PCGF5: variants seen among roughly 807,000 people sequenced by gnomAD.
PCGF5 encodes polycomb group ring finger 5.
Under a neutral mutation model 44.3 loss-of-function variants are expected in PCGF5, and 9 were observed. The ratio of observed to expected loss-of-function variants is 0.20; its 90% CI spans 0.12 to 0.35. PCGF5 has a LOEUF of 0.35. Ranked by LOEUF, PCGF5 falls within the 10% of genes least tolerant of loss-of-function variation. The pLI, the probability that PCGF5 is intolerant of heterozygous loss-of-function variation, is 1.00. For synonymous variants in PCGF5, 95 were observed against 102.5 expected (o/e 0.93, Z 0.44); for missense variants, 146 against 305.3 (o/e 0.48, Z 3.89).
At chr10:91,225,549 C>G (rs373755980) in intron 2 of PCGF5, among the ~76,000 whole-genome samples, 2 of 151,552 alleles carry the variant, frequency 1.3e-5, no homozygotes, top group Non-Finnish European at 2.9e-5. Context: ...GGTACTCCAT[C>G]GCATCTCTGA....
chr10:91,229,242 A>G (rs980381898), intron 2 of PCGF5, among the ~76,000 whole-genome samples: 1 of 152,224 alleles, frequency 6.6e-6, no homozygotes, highest in Non-Finnish European at 1.5e-5. Context: ...AATAAATAGA[A>G]CAGGCATAGT....
upstream of PCGF5, among the ~76,000 whole-genome samples, chr10:91,158,954 T>A (rs1000935776): frequency 6.6e-6 from 1 of 152,190 alleles, no homozygotes; most frequent in African/African-American, 2.4e-5. Context: ...CTGCTCCCTT[T>A]CTCCCCTGGA....
Position 91,281,335 on chromosome 10 carries a change from C to G in PCGF5, c.*3019C>G, listed in dbSNP as rs191257053. On this transcript the variant is annotated 3_prime_UTR_variant, in exon 10 of 10. Transcript: ENST00000336126. ...ATTTTATAAACGTAATGACTTTGCT[C>G]AACTACATTACACACTCAAATGTAA... 2.1e-3 allele frequency: 322 copies of G among 152,552 alleles called. 1 individual carries two copies. The highest frequency in any genetic ancestry group is 7.4e-3 in the African/African-American group (307 of 41,526). 9.4% of individuals were successfully genotyped at this position (152,552 alleles called of 1,614,324 possible).
chr10:91,250,113 G>A, intron 5 of PCGF5, among the ~76,000 whole-genome samples: 1 of 151,878 alleles, frequency 6.6e-6, no homozygotes, highest in East Asian at 1.9e-4. Context: ...AGTATTTCTG[G>A]TATTTGGTCT....
chr10:91,216,208 A>G (rs1282789049), upstream of PCGF5, among the ~76,000 whole-genome samples: 1 of 152,210 alleles, frequency 6.6e-6, no homozygotes, highest in Non-Finnish European at 1.5e-5. Flanking sequence ...ATGTATGAAT[A>G]TGGTCTGTGT....
chr10:91,259,686 C>G (rs1417929174), intron 6 of PCGF5, among the ~76,000 whole-genome samples: 1 of 152,140 alleles, frequency 6.6e-6, no homozygotes, highest in Non-Finnish European at 1.5e-5. Context: ...ACTATCTGAT[C>G]TTTGACAAAC....
Position 91,264,438 on chromosome 10 carries a change from T to G in PCGF5, c.581T>G (p.Val194Gly), listed in dbSNP as rs1158301669. ...TAATGATTCTTTTTAAAGTTGGATG[T>G]GCTGTGCAATGGTGAAATTATGGGG... ...LKLPSSYELD[V>G]LCNGEIMGKD... Residue 194 changes from valine to glycine, a missense_variant, in exon 8 of 10, where the codon GTG (valine) becomes GGG (glycine). Val to Gly is a moderately radical substitution (Grantham distance 109, BLOSUM62 -3). Around this residue, in one of 3 missense-constraint regions of PCGF5, gnomAD observed 123 missense variants for 268.6 expected, o/e 0.46. Coordinates refer to ENST00000336126, the MANE Select transcript of PCGF5 (RefSeq NM_032373.5). 6.2e-7 allele frequency: 1 copy of G among 1,603,934 alleles called. No homozygotes were observed. Among genetic ancestry groups the G allele is most frequent in the East Asian group, 2.2e-5 (1 of 44,702 alleles).
the PCGF5 span, among the ~76,000 whole-genome samples, chr10:91,156,759 G>A: frequency 6.6e-6 from 1 of 152,166 alleles, no homozygotes; most frequent in Non-Finnish European, 1.5e-5. Flanking sequence ...GTACAAACAA[G>A]TGGTACCCAC....
At chr10:91,213,614 A>G (rs1564635129) in intron 1 of PCGF5, among the ~76,000 whole-genome samples, 1 of 148,870 alleles carries the variant, frequency 6.7e-6, no homozygotes, top group Non-Finnish European at 1.5e-5. Flanking sequence ...ATAGGCATGC[A>G]CCACCACACC....
chr10:91,160,939 C>T (rs149184799), upstream of PCGF5, among the ~76,000 whole-genome samples: 10 of 152,330 alleles, frequency 6.6e-5, no homozygotes, highest in East Asian at 1.9e-3. Context: ...TCTCCTTTTG[C>T]GGCTGTCACA....
rs1846471824 is a variant in PCGF5, at chr10:91,282,226, T to TTTGG, written c.*3910_*3911insTTGG. On this transcript the variant is annotated 3_prime_UTR_variant, in exon 10 of 10. Coordinates refer to ENST00000336126, the MANE Select transcript of PCGF5 (RefSeq NM_032373.5). Reference sequence around the variant, plus strand: ...TAGGCCGGGCACAGTGGCTCATGCCTGTAATCCCAGCACTTTGGGAGGCCA... The same window carrying TTTGG: ...TAGGCCGGGCACAGTGGCTCATGCCTTTGGGTAATCCCAGCACTTTGGGAGGCCA... 3 of 152,262 alleles carry TTTGG rather than the reference T, an allele frequency of 2.0e-5. No individual in the cohort carries two copies. Among genetic ancestry groups the TTTGG allele is most frequent in the African/African-American group, 7.2e-5 (3 of 41,466 alleles). The allele number at this position is 152,262 out of a possible 1,614,324, so 9.4% of individuals were successfully genotyped here.
chr10:91,180,776 G>A (rs1046720486), intron 1 of PCGF5, among the ~76,000 whole-genome samples: 2 of 152,094 alleles, frequency 1.3e-5, no homozygotes, highest in Admixed American at 1.3e-4. Context: ...TTTGAAGTTG[G>A]GTAGCATGAT....
chr10:91,276,547 T>A (rs1846317863), intron 9 of PCGF5, among the ~76,000 whole-genome samples: 1 of 152,228 alleles, frequency 6.6e-6, no homozygotes, highest in African/African-American at 2.4e-5. Flanking sequence ...TTGTGACACA[T>A]TTCAATAAAA....
intron 6 of PCGF5, among the ~76,000 whole-genome samples, chr10:91,252,034 T>A (rs1845634191): frequency 6.6e-6 from 1 of 152,024 alleles, no homozygotes; most frequent in African/African-American, 2.4e-5. Context: ...AGAGGATCTT[T>A]ATAGGAAGTT....
At chr10:91,274,610 TAAACAGGTTA>T (rs1564659289) in intron 9 of PCGF5, among the ~76,000 whole-genome samples, 1 of 152,096 alleles carries the variant, frequency 6.6e-6, no homozygotes, top group Non-Finnish European at 1.5e-5. Context: ...AGACAAAAAA[TAAACAGGTTA>T]AAATTTATAG....
At chr10:91,169,797 C>T (rs1326542017) in intron 1 of PCGF5, among the ~76,000 whole-genome samples, 1 of 152,098 alleles carries the variant, frequency 6.6e-6, no homozygotes, top group Non-Finnish European at 1.5e-5. Context: ...TATGCAGAGG[C>T]AAAAGACCTA....
intron 1 of PCGF5, among the ~76,000 whole-genome samples, chr10:91,165,970 T>C (rs773776961): frequency 4.6e-5 from 7 of 152,196 alleles, no homozygotes; most frequent in Non-Finnish European, 7.4e-5. Context: ...TCCATAATAG[T>C]AGCTGTGATC....
intron 2 of PCGF5, among the ~76,000 whole-genome samples, chr10:91,224,111 A>G (rs1844754455): frequency 6.6e-6 from 1 of 152,204 alleles, no homozygotes; most frequent in African/African-American, 2.4e-5. Context: ...TTATTTTACC[A>G]CAATAAAAAA....
At chr10:91,276,516 A>G (rs1302274259) in intron 9 of PCGF5, among the ~76,000 whole-genome samples, 2 of 152,214 alleles carry the variant, frequency 1.3e-5, no homozygotes, top group Non-Finnish European at 1.5e-5. Flanking sequence ...AACTTAAAAT[A>G]TATCTTTACA....
Sources: gnomAD v4.1 joint callset for allele counts (sites outside exome capture counted in the v4.1 genomes callset) on GRCh38, gnomAD v4.1.1 for gene constraint, gnomAD v4.1.1 regional missense constraint, MANE v1.5 for transcripts, NCBI Gene and HGNC (gene_info 2026-07-23, HGNC 2026-07-21) for gene names.